Variants in AKT3 observed in about 807,000 individuals in gnomAD.
The protein encoded by AKT3 is RAC-gamma serine/threonine-protein kinase.
AKT3 carries 15 observed loss-of-function variants against 65.3 expected under a neutral mutation model. That is an observed-to-expected ratio of 0.23 (90% CI 0.15 to 0.35). The LOEUF (loss-of-function observed/expected upper bound fraction) is 0.35. Ranked by LOEUF, AKT3 falls within the 10% of genes least tolerant of loss-of-function variation. The probability of loss-of-function intolerance (pLI) is 1.00; values close to 1 mark genes in which losing one functional copy is unlikely to be tolerated. For synonymous variants in AKT3, 206 were observed against 183.8 expected (o/e 1.12, Z -0.98); for missense variants, 243 against 576.5 (o/e 0.42, Z 5.92).
At chr1:243,490,617 C>T (rs1442175245) in intron 13 of AKT3, among the ~76,000 whole-genome samples, 5 of 152,252 alleles carry the variant, frequency 3.3e-5, no homozygotes, top group African/African-American at 7.2e-5. Context: ...GCATGGTGCA[C>T]GCCTGGCTTC....
At chr1:243,583,173 TATATATATATATATATATATATAC>T (rs1675518001) in intron 8 of AKT3, among the ~76,000 whole-genome samples, 2 of 98,954 alleles carry the variant, frequency 2.0e-5, no homozygotes, top group Non-Finnish European at 2.3e-5. Flanking sequence ...TGTGTGTGTA[TATATATATATATATATATATATAC>T]ACACACACAC....
At chr1:243,813,234 T>G (rs1391446592) in intron 2 of AKT3, among the ~76,000 whole-genome samples, 1 of 152,142 alleles carries the variant, frequency 6.6e-6, no homozygotes, top group Non-Finnish European at 1.5e-5. Context: ...CCTTCTTGAT[T>G]AAGTATGTAT....
intron 9 of AKT3, among the ~76,000 whole-genome samples, chr1:243,571,994 C>T (rs545924104): frequency 9.5e-4 from 144 of 152,232 alleles, no homozygotes; most frequent in Middle Eastern, 6.8e-3. Context: ...CCAATCATTA[C>T]GTTACATGAA....
At chr1:243,740,054 T>C (rs375756968) in intron 2 of AKT3, among the ~76,000 whole-genome samples, 1 of 152,120 alleles carries the variant, frequency 6.6e-6, no homozygotes. Flanking sequence ...CTGCCCAAAA[T>C]AGGCCAAAGG....
At chr1:243,654,032 T>G (rs1231986188) in intron 4 of AKT3, among the ~76,000 whole-genome samples, 3 of 152,162 alleles carry the variant, frequency 2.0e-5, no homozygotes, top group African/African-American at 7.2e-5. Context: ...GCAATTATTT[T>G]TATATATATC....
intron 5 of AKT3, among the ~76,000 whole-genome samples, chr1:243,643,064 A>G (rs1680561550): frequency 6.6e-6 from 1 of 152,194 alleles, no homozygotes; most frequent in African/African-American, 2.4e-5. Context: ...GAAGAGGTGG[A>G]GCTAATGTTA....
chr1:243,727,268 T>A (rs893224213), intron 2 of AKT3, among the ~76,000 whole-genome samples: 2 of 152,154 alleles, frequency 1.3e-5, no homozygotes, highest in Non-Finnish European at 2.9e-5. Context: ...TAAATCAGCA[T>A]ACAATACCAA....
chr1:243,649,384 A>G (rs1329644454), intron 4 of AKT3, among the ~76,000 whole-genome samples: 1 of 151,002 alleles, frequency 6.6e-6, no homozygotes, highest in Non-Finnish European at 1.5e-5. Context: ...GTGTGTATAT[A>G]TATATGTTAT....
intron 2 of AKT3, among the ~76,000 whole-genome samples, chr1:243,786,418 T>G (rs949528680): frequency 2.0e-5 from 3 of 152,162 alleles, no homozygotes; most frequent in African/African-American, 7.2e-5. Context: ...AGTCAGTTAT[T>G]TAAGTGTTGT....
At chr1:243,560,082 T>C (rs1456760496) in intron 10 of AKT3, among the ~76,000 whole-genome samples, 3 of 152,100 alleles carry the variant, frequency 2.0e-5, no homozygotes, top group African/African-American at 7.2e-5. Flanking sequence ...TCCCTATCTA[T>C]GTGTCCAGCC....
chr1:243,677,473 C>A (rs1683597162), intron 3 of AKT3, among the ~76,000 whole-genome samples: 5 of 151,982 alleles, frequency 3.3e-5, no homozygotes, highest in Non-Finnish European at 7.4e-5. Flanking sequence ...AATATAATTT[C>A]TCACAACTTA....
chr1:243,659,701 C>T (rs1415681508), intron 4 of AKT3, among the ~76,000 whole-genome samples: 1 of 152,002 alleles, frequency 6.6e-6, no homozygotes, highest in Admixed American at 6.6e-5. Context: ...AAAATAGAGT[C>T]CACCCTTATA....
chr1:243,735,066 T>C lies in AKT3; in HGVS notation c.47-39350A>G, dbSNP rs1312737569. Reference sequence around the variant, plus strand: ...GCTGCCATCTCCAATAACAACGCCTTCTTCTGTAACACCTCCTGAAGGACC... The same window carrying C: ...GCTGCCATCTCCAATAACAACGCCTCCTTCTGTAACACCTCCTGAAGGACC... On this transcript the variant is annotated intron_variant, in intron 2 of 13. Transcript: ENST00000673466. The C allele has an allele frequency of 4.7e-4, 71 of 152,274 alleles. 1 individual carries two copies. Among genetic ancestry groups the C allele is most frequent in the Admixed American group, 4.6e-3 (71 of 15,292 alleles). 9.4% of individuals were successfully genotyped at this position (152,274 alleles called of 1,614,324 possible). A position where few individuals can be genotyped will look rare whatever the true frequency, so the allele number is the denominator to read the frequency against.
At chr1:243,579,483 A>G (rs1675180244) in intron 8 of AKT3, among the ~76,000 whole-genome samples, 2 of 152,220 alleles carry the variant, frequency 1.3e-5, no homozygotes, top group African/African-American at 4.8e-5. Context: ...AGTTTCAGAA[A>G]GACAGGAACA....
chr1:243,830,348 T>C (rs1694425288), intron 2 of AKT3, among the ~76,000 whole-genome samples: 1 of 152,074 alleles, frequency 6.6e-6, no homozygotes, highest in Non-Finnish European at 1.5e-5. Flanking sequence ...CTCCAGGAAG[T>C]CCTGGAACCA....
At chr1:243,671,765 T>C (rs1194940581) in intron 3 of AKT3, among the ~76,000 whole-genome samples, 1 of 152,224 alleles carries the variant, frequency 6.6e-6, no homozygotes, top group African/African-American at 2.4e-5. Context: ...AAGGTGTTAT[T>C]ATCTTCCATT....
At chr1:243,645,820 G>T (rs1680767260) in intron 5 of AKT3, 73 bp downstream of exon 5, 1 of 1,401,532 alleles carries the variant, frequency 7.1e-7, no homozygotes, top group African/African-American at 1.5e-5. Context: ...ACATCTTTCT[G>T]CAAATGGTAG....
chr1:243,541,569 A>C (rs1672323664), intron 12 of AKT3, among the ~76,000 whole-genome samples: 1 of 152,146 alleles, frequency 6.6e-6, no homozygotes, highest in Non-Finnish European at 1.5e-5. Flanking sequence ...TAATAGTTAG[A>C]AACCCAGATC....
intron 2 of AKT3, chr1:243,794,163 A>C (rs547463919): frequency 6.6e-6 from 1 of 152,356 alleles, no homozygotes; most frequent in Non-Finnish European, 1.5e-5. Flanking sequence ...CCTCCCAATT[A>C]GCTGGGACTA....
Sources: gnomAD v4.1 joint callset for allele counts (sites outside exome capture counted in the v4.1 genomes callset) on GRCh38, gnomAD v4.1.1 for gene constraint, MANE v1.5 for transcripts, NCBI Gene and HGNC (gene_info 2026-07-23, HGNC 2026-07-21) for gene names.